KCNQ3: variants seen among roughly 807,000 people sequenced by gnomAD.
The protein encoded by KCNQ3 is potassium voltage-gated channel subfamily KQT member 3.
A neutral mutation model predicts 92.5 loss-of-function variants in KCNQ3; 30 were observed. The ratio of observed to expected loss-of-function variants is 0.32; its 90% CI spans 0.24 to 0.44. KCNQ3 has a LOEUF of 0.44. Ranked by LOEUF, KCNQ3 falls within the 20% of genes least tolerant of loss-of-function variation. The pLI is 1.00. For synonymous variants in KCNQ3, 450 were observed against 468.8 expected (o/e 0.96, Z 0.52); for missense variants, 913 against 1,140.3 (o/e 0.80, Z 2.87).
At chr8:132,228,539 G>T (rs1489210786) in intron 1 of KCNQ3, among the ~76,000 whole-genome samples, 1 of 151,976 alleles carries the variant, frequency 6.6e-6, no homozygotes, top group South Asian at 2.1e-4. Flanking sequence ...ATTACTACAC[G>T]GAAATACTTA....
At chr8:132,182,570 G>A (rs1304552249) in intron 3 of KCNQ3, among the ~76,000 whole-genome samples, 1 of 152,234 alleles carries the variant, frequency 6.6e-6, no homozygotes, top group East Asian at 1.9e-4. Context: ...TTCCCCAAGG[G>A]GGATGCACCT....
intron 4 of KCNQ3, 82 bp from the exon 5 acceptor site, chr8:132,175,690 G>T: frequency 7.4e-7 from 1 of 1,353,552 alleles, no homozygotes; most frequent in Non-Finnish European, 1.0e-6. Flanking sequence ...ACCAGAGTTA[G>T]AGTCCAAGTT....
At chr8:132,339,694 A>G (rs1818464242) in intron 1 of KCNQ3, among the ~76,000 whole-genome samples, 1 of 152,180 alleles carries the variant, frequency 6.6e-6, no homozygotes, top group Non-Finnish European at 1.5e-5. Flanking sequence ...TGACAAGCAA[A>G]CAGCCCCTGT....
intron 1 of KCNQ3, among the ~76,000 whole-genome samples, chr8:132,209,860 T>A (rs1272696787): frequency 6.6e-6 from 1 of 152,198 alleles, no homozygotes; most frequent in Non-Finnish European, 1.5e-5. Flanking sequence ...ATGATGGTTT[T>A]ACTGGGACAT....
chr8:132,413,915 A>G (rs1820723149), intron 1 of KCNQ3, among the ~76,000 whole-genome samples: 1 of 152,176 alleles, frequency 6.6e-6, no homozygotes, highest in Non-Finnish European at 1.5e-5. Flanking sequence ...AAATGAATTC[A>G]TCTGCAGTGT....
intron 1 of KCNQ3, among the ~76,000 whole-genome samples, chr8:132,356,908 T>C (rs1466736170): frequency 1.3e-5 from 2 of 152,190 alleles, no homozygotes; most frequent in Non-Finnish European, 2.9e-5. Flanking sequence ...CAATATGAGT[T>C]GTGAATTGGA....
chr8:132,174,120 G>T, intron 6 of KCNQ3, 119 bp downstream of exon 6: 1 of 768,016 alleles, frequency 1.3e-6, no homozygotes, highest in Non-Finnish European at 2.3e-6. Flanking sequence ...TTAAGGGAAT[G>T]GCTAGGGAGT....
intron 1 of KCNQ3, among the ~76,000 whole-genome samples, chr8:132,186,950 GAGAGAC>G (rs1036799716): frequency 2.6e-4 from 28 of 107,208 alleles, no homozygotes; most frequent in South Asian, 1.8e-3. Flanking sequence ...GAGAGAGAGA[GAGAGAC>G]AGAGAGAGAG....
intron 1 of KCNQ3, among the ~76,000 whole-genome samples, chr8:132,316,196 C>T (rs142555210): frequency 4.6e-4 from 70 of 152,188 alleles, no homozygotes; most frequent in Middle Eastern, 3.4e-3. Flanking sequence ...CCTAAGATCT[C>T]AGTGGTGCAC....
rs1822092642 is a variant in KCNQ3, at chr8:132,462,854, T to C, written c.386+17293A>G. ...ATGATTACCATTGTTATTACTACTG[T>C]TGATATCCCAAAATGGAAGAGTATT... is the stretch of plus-strand genomic sequence containing the variant. On this transcript the variant is annotated intron_variant, in intron 1 of 14. Transcript: ENST00000388996. Among the ~76,000 whole-genome samples, 5 of 152,194 alleles carry C rather than the reference T, an allele frequency of 3.3e-5. No individual in the cohort carries two copies. The South Asian group carries it at 1.0e-3, about 32-fold the overall frequency.
At chr8:132,408,197 G>A (rs1820547201) in intron 1 of KCNQ3, among the ~76,000 whole-genome samples, 1 of 151,900 alleles carries the variant, frequency 6.6e-6, no homozygotes, top group Non-Finnish European at 1.5e-5. Flanking sequence ...TGTACAACAT[G>A]GAATCGTTTT....
chr8:132,315,192 G>A (rs1817705942), intron 1 of KCNQ3, among the ~76,000 whole-genome samples: 1 of 152,160 alleles, frequency 6.6e-6, no homozygotes, highest in Non-Finnish European at 1.5e-5. Flanking sequence ...ATGGAATTAT[G>A]CAACAGGGCA....
In KCNQ3 at chr8:132,455,378, A is replaced by T. The variant is rs146147159; in HGVS notation, c.386+24769T>A. Among the ~76,000 whole-genome samples the T allele has an allele frequency of 8.4e-3, 1,286 of 152,354 alleles. 7 individuals carry two copies. Among genetic ancestry groups the T allele is most frequent in the Middle Eastern group, 0.014 (4 of 294 alleles). ...TATCTCAGCCTCCCAAAGTGCTGGG[A>T]TTATAGGCGTAAGCCACTGCACCTG... On this transcript the variant is annotated intron_variant, in intron 1 of 14. Transcript: ENST00000388996.
At chr8:132,272,099 T>C (rs1816166100) in intron 1 of KCNQ3, among the ~76,000 whole-genome samples, 1 of 152,226 alleles carries the variant, frequency 6.6e-6, no homozygotes, top group East Asian at 1.9e-4. Flanking sequence ...TTACTACGTC[T>C]AGGTAACTAC....
intron 1 of KCNQ3, among the ~76,000 whole-genome samples, chr8:132,393,921 CCACT>C (rs1820117144): frequency 6.6e-6 from 1 of 152,196 alleles, no homozygotes; most frequent in Non-Finnish European, 1.5e-5. Context: ...TCTTCACCAC[CCACT>C]GTGTACAGAT....
At position 132,168,773 on chromosome 8, in the gene KCNQ3, GTGTGTGTT is replaced by G. The variant is rs1311992368; in HGVS notation, c.1235+1553_1235+1560del. Among the ~76,000 whole-genome samples, 10 of 105,832 alleles carry G rather than the reference GTGTGTGTT, an allele frequency of 9.4e-5. No homozygotes were observed. The East Asian group carries it at 1.3e-3, about 13-fold the overall frequency. The allele number at this position is 105,832 out of a possible 152,430, so 69.4% of individuals were successfully genotyped here. On this transcript the variant is annotated intron_variant, in intron 8 of 14. Coordinates refer to ENST00000388996, the MANE Select transcript of KCNQ3 (RefSeq NM_004519.4). ...TGTGTGTGTGTGTGTGTGTGTGTGT[GTGTGTGTT>G]TGCAGAGGAGTTGTGGCTGGGCACA...
chr8:132,380,730 G>T (rs963608053), intron 1 of KCNQ3, among the ~76,000 whole-genome samples: 1 of 149,786 alleles, frequency 6.7e-6, no homozygotes, highest in African/African-American at 2.5e-5. Flanking sequence ...AATGCCCAGA[G>T]AAAAACCATC....
At chr8:132,321,848 G>T (rs138189273) in intron 1 of KCNQ3, among the ~76,000 whole-genome samples, 1 of 152,228 alleles carries the variant, frequency 6.6e-6, no homozygotes, top group East Asian at 1.9e-4. Flanking sequence ...TAAGATCTCT[G>T]ACACCTCAGG....
intron 1 of KCNQ3, among the ~76,000 whole-genome samples, chr8:132,283,294 C>A (rs983394518): frequency 2.6e-5 from 4 of 152,012 alleles, no homozygotes; most frequent in Admixed American, 1.3e-4. Context: ...AGCATATAGT[C>A]CAGTATCAGG....
Sources: gnomAD v4.1 joint callset for allele counts (sites outside exome capture counted in the v4.1 genomes callset) on GRCh38, gnomAD v4.1.1 for gene constraint, MANE v1.5 for transcripts, NCBI Gene and HGNC (gene_info 2026-07-23, HGNC 2026-07-21) for gene names.